The following INCENP variants were observed in gnomAD, a reference collection of about 807,000 sequenced individuals.
INCENP encodes binds and activates aurora-B and -C in vivo and in vitro.
In INCENP, 43 loss-of-function variants were observed where a neutral mutation model predicts 107.3. The ratio of observed to expected loss-of-function variants is 0.40; its 90% CI spans 0.31 to 0.52. INCENP has a LOEUF of 0.52. Among genes scored for constraint, INCENP ranks in the 20% least tolerant of loss-of-function variants. INCENP has a pLI of 0.53. For missense variants in INCENP, 1,089 were observed against 1,250.9 expected (o/e 0.87, Z 1.95); for synonymous variants, 488 against 494.4 (o/e 0.99, Z 0.17).
At position 62,138,707 on chromosome 11, in the gene INCENP, TTTCAG is replaced by T; in HGVS notation, c.1116-2_1118del. On this transcript the variant is annotated splice_acceptor_variant and splice_polypyrimidine_tract_variant and intron_variant, in intron 5 of 18. Coordinates refer to ENST00000394818, the MANE Select transcript of INCENP (RefSeq NM_001040694.2). ...AGTCCCCTCAGAGTCCCTCTTCTGT[TTTCAG>T]TTCTGAGCAGAAGGAACCCCCCGAG... The T allele has an allele frequency of 6.2e-7, 1 of 1,614,012 alleles. No individual in the cohort carries two copies. The highest frequency in any genetic ancestry group is 8.5e-7 in the Non-Finnish European group (1 of 1,179,944).
Position 62,128,281 on chromosome 11 carries a change from G to T in INCENP, c.120G>T (p.Glu40Asp), listed in dbSNP as rs753636022. 6.2e-7 allele frequency: 1 copy of T among 1,614,128 alleles called. No homozygotes were observed. Among genetic ancestry groups the T allele is most frequent in the South Asian group, 1.1e-5 (1 of 91,082 alleles). The change falls in exon 2 of 19, where the codon GAG (glutamate) becomes GAT (aspartate). Residue 40 changes from glutamate (E) to aspartate (D), a missense_variant. Coordinates refer to ENST00000394818, the MANE Select transcript of INCENP (RefSeq NM_001040694.2). ...TGTGGCTTGAGGAAATCCAAGAGGA[G>T]GCCGAGCGCATGTTCACCAGGTGAA... ...DLVWLEEIQE[E>D]AERMFTREFS...
At chr11:62,128,680 G>T in intron 2 of INCENP, 90 bp from the exon 3 acceptor site, 1 of 929,278 alleles carries the variant, frequency 1.1e-6, no homozygotes, top group South Asian at 1.3e-5. Context: ...ACCTGTCGCT[G>T]CCAGGAAATG....
chr11:62,138,618 C>G, intron 5 of INCENP, 95 bp from the exon 6 acceptor site: 1 of 1,239,996 alleles, frequency 8.1e-7, no homozygotes, highest in South Asian at 1.3e-5. Context: ...GTGTTGACCT[C>G]TTGGGTCCCC....
chr11:62,146,012 T>A (rs761503881), intron 14 of INCENP, among the ~76,000 whole-genome samples: 20 of 152,228 alleles, frequency 1.3e-4, no homozygotes, highest in South Asian at 2.1e-4. Flanking sequence ...ATTTATTAGC[T>A]GTGTGACTTT....
chr11:62,137,999 C>T (rs976393557), intron 5 of INCENP, 116 bp downstream of exon 5: 23 of 912,260 alleles, frequency 2.5e-5, no homozygotes, highest in Middle Eastern at 2.7e-4. Context: ...GAGCCTTGAC[C>T]GCCCAGGAGC....
intron 5 of INCENP, 153 bp downstream of exon 5, chr11:62,138,036 C>A: frequency 1.4e-6 from 1 of 700,954 alleles, no homozygotes; most frequent in Non-Finnish European, 2.5e-6. Context: ...TCTGACCAGG[C>A]AGTGAGTGAT....
chr11:62,128,994 G>A lies in INCENP; in HGVS notation c.254+111G>A, dbSNP rs975518415. 12 of 747,686 alleles carry A rather than the reference G, an allele frequency of 1.6e-5. No homozygotes were observed. The Admixed American group carries it at 1.7e-4, about 10-fold the overall frequency. The allele number at this position is 747,686 out of a possible 1,614,324, so 46.3% of individuals were successfully genotyped here. ...ATTTGGAAGTAGCAGCCTGTAGGAG[G>A]GGTGGTGGGTACCACCGCGGGTACT... is the stretch of plus-strand genomic sequence containing the variant. On this transcript the variant is annotated intron_variant, in intron 3 of 18. Coordinates refer to ENST00000394818, the MANE Select transcript of INCENP (RefSeq NM_001040694.2).
chr11:62,131,669 T>A (rs1943895941), intron 4 of INCENP, among the ~76,000 whole-genome samples: 1 of 152,042 alleles, frequency 6.6e-6, no homozygotes, highest in South Asian at 2.1e-4. Flanking sequence ...AAGAAGTGGC[T>A]TGATGATGGG....
chr11:62,130,646 G>A (rs1289511758), intron 4 of INCENP, 56 bp downstream of exon 4: 42 of 1,448,652 alleles, frequency 2.9e-5, no homozygotes, highest in Non-Finnish European at 4.0e-5. Flanking sequence ...CTCAGATGGA[G>A]GCTTTCTGAG....
Position 62,137,980 on chromosome 11 carries a change from T to G in INCENP, c.1115+97T>G. On this transcript the variant is annotated intron_variant, in intron 5 of 18. Coordinates refer to ENST00000394818, the MANE Select transcript of INCENP (RefSeq NM_001040694.2). ...CTGGAAGCAATTCCTGGGCTGAGTC[T>G]TCCCCACTGAGCCTTGACCGCCCAG... 4 of 1,124,342 alleles carry G rather than the reference T, an allele frequency of 3.6e-6. No homozygotes were observed. The South Asian group carries it at 4.9e-5, about 14-fold the overall frequency. 69.6% of individuals were successfully genotyped at this position (1,124,342 alleles called of 1,614,324 possible).
chr11:62,137,756 C>T (rs571920849), intron 4 of INCENP, 76 bp from the exon 5 acceptor site: 47 of 1,378,576 alleles, frequency 3.4e-5, no homozygotes, highest in East Asian at 4.6e-5. Context: ...TGCTGGAACC[C>T]GGTCCCCTGG....
chr11:62,140,340 C>A, intron 8 of INCENP, 55 bp downstream of exon 8: 1 of 1,436,752 alleles, frequency 7.0e-7, no homozygotes, highest in South Asian at 1.1e-5. Context: ...GAGGATGTGG[C>A]CTTGTGTCCT....
chr11:62,149,569 A>C (rs1944329019), intron 17 of INCENP, among the ~76,000 whole-genome samples: 1 of 152,164 alleles, frequency 6.6e-6, no homozygotes, highest in South Asian at 2.1e-4. Context: ...GAAAGTTTGC[A>C]ATACACCTTA....
chr11:62,150,992 G>T (rs1458514109), intron 18 of INCENP, among the ~76,000 whole-genome samples: 1 of 152,220 alleles, frequency 6.6e-6, no homozygotes, highest in African/African-American at 2.4e-5. Flanking sequence ...TAACTGGCAT[G>T]TGCTTTAAGC....
At chr11:62,145,436 G>C (rs1249655692) in intron 13 of INCENP, 147 bp downstream of exon 13, 13 of 1,369,110 alleles carry the variant, frequency 9.5e-6, no homozygotes, top group Non-Finnish European at 1.3e-5. Context: ...ACTCAGCTCT[G>C]GGTTTCCCTG....
chr11:62,127,505 A>G (rs1943778355), intron 1 of INCENP, among the ~76,000 whole-genome samples: 1 of 152,250 alleles, frequency 6.6e-6, no homozygotes, highest in Admixed American at 6.5e-5. Context: ...AGGGCATTTC[A>G]GCTCAAGGGA....
chr11:62,126,655 A>C (rs1018903938), intron 1 of INCENP, among the ~76,000 whole-genome samples: 4 of 152,196 alleles, frequency 2.6e-5, no homozygotes, highest in African/African-American at 4.8e-5. Flanking sequence ...GATGTAGTAG[A>C]ATATGGTTGT....
At chr11:62,140,658 G>A in intron 8 of INCENP, 46 bp from the exon 9 acceptor site, 10 of 1,481,334 alleles carry the variant, frequency 6.8e-6, no homozygotes, top group East Asian at 2.5e-5. Flanking sequence ...GGTGTGGCTG[G>A]GCTGTGGCGG....
In INCENP at chr11:62,150,197, C is replaced by T. The variant is rs141924038; in HGVS notation, c.2532C>T (p.Thr844=). The T allele has an allele frequency of 6.2e-7, 1 of 1,614,020 alleles. No homozygotes were observed. The highest frequency in any genetic ancestry group is 1.3e-5 in the African/African-American group (1 of 75,062). Residue 844 remains threonine (T), a synonymous_variant, in exon 18 of 19, where the codon ACC becomes ACT. Coordinates refer to ENST00000394818, the MANE Select transcript of INCENP (RefSeq NM_001040694.2). The part of the protein sequence containing the change: ...DEAHPRKPIP[T]WARGTPLSQA... ...CCCATCCCCGGAAGCCCATCCCCAC[C>T]TGGGCCCGAGGTAAGCAAAGCCCAC...
Sources: gnomAD v4.1 joint callset for allele counts (sites outside exome capture counted in the v4.1 genomes callset) on GRCh38, gnomAD v4.1.1 for gene constraint, MANE v1.5 for transcripts, NCBI Gene and HGNC (gene_info 2026-07-23, HGNC 2026-07-21) for gene names.